ORC3: variants seen among roughly 807,000 people sequenced by gnomAD.
The protein encoded by ORC3 is origin recognition complex subunit 3.
Under a neutral mutation model 100.7 loss-of-function variants are expected in ORC3, and 78 were observed. The observed-to-expected ratio is 0.77, with a 90% CI of 0.65 to 0.94. The LOEUF (loss-of-function observed/expected upper bound fraction) is 0.94. Among genes scored for constraint, ORC3 ranks in the 40% least tolerant of loss-of-function variants. The pLI, the probability that ORC3 is intolerant of heterozygous loss-of-function variation, is 0.00. For synonymous variants in ORC3, 295 were observed against 289.3 expected (o/e 1.02, Z -0.20); for missense variants, 789 against 823.9 (o/e 0.96, Z 0.52).
intron 2 of ORC3, among the ~76,000 whole-genome samples, chr6:87,597,551 T>C (rs969982364): frequency 1.3e-5 from 2 of 152,096 alleles, no homozygotes; most frequent in African/African-American, 4.8e-5. Flanking sequence ...AATTATGATA[T>C]GGAATTAAGC....
In ORC3 at chr6:87,621,407, T is replaced by C; in HGVS notation, c.1041T>C (p.Asn347=). The change falls in exon 10 of 20, where the codon AAT becomes AAC. Residue 347 remains asparagine, a synonymous_variant. Transcript: ENST00000392844. ...AGCCCTTAAGTGTCCTGTGCTGTAA[T>C]CTTCCAGAAGCCAAAAGAAGAATAA... The part of the protein sequence containing the change: ...YSQPLSVLCC[N]LPEAKRRINF... 6.2e-7 allele frequency: 1 copy of C among 1,602,894 alleles called. No individual in the cohort carries two copies. The highest frequency in any genetic ancestry group is 8.5e-7 in the Non-Finnish European group (1 of 1,175,416).
chr6:87,597,923 C>T (rs1364735618), intron 2 of ORC3, among the ~76,000 whole-genome samples: 3 of 152,056 alleles, frequency 2.0e-5, no homozygotes, highest in African/African-American at 7.2e-5. Flanking sequence ...AAGACTTGTT[C>T]CCCCATTATC....
At chr6:87,643,341 T>G (rs1409572018) in intron 13 of ORC3, among the ~76,000 whole-genome samples, 1 of 151,528 alleles carries the variant, frequency 6.6e-6, no homozygotes, top group African/African-American at 2.4e-5. Context: ...TAACAAGCAC[T>G]CTGGCACATT....
intron 11 of ORC3, among the ~76,000 whole-genome samples, chr6:87,622,694 A>G (rs1175373914): frequency 6.6e-6 from 1 of 152,088 alleles, no homozygotes; most frequent in Non-Finnish European, 1.5e-5. Context: ...AGCCAGTGTT[A>G]CTAGTTTCTT....
At chr6:87,631,736 C>T (rs900202188) in intron 11 of ORC3, among the ~76,000 whole-genome samples, 1 of 152,112 alleles carries the variant, frequency 6.6e-6, no homozygotes, top group Non-Finnish European at 1.5e-5. Context: ...AGGTGATCCA[C>T]CCGCCTCGGC....
intron 7 of ORC3, among the ~76,000 whole-genome samples, chr6:87,611,748 C>T (rs981326891): frequency 6.6e-6 from 1 of 151,338 alleles, no homozygotes; most frequent in Non-Finnish European, 1.5e-5. Context: ...CACCACTGCA[C>T]TCCAGTCTGG....
intron 14 of ORC3, among the ~76,000 whole-genome samples, chr6:87,654,198 T>C (rs527616675): frequency 6.6e-6 from 1 of 152,316 alleles, no homozygotes; most frequent in South Asian, 2.1e-4. Context: ...CTTAAAAATC[T>C]TTTGGCTTTA....
chr6:87,603,273 A>G (rs968590298), intron 3 of ORC3, 111 bp from the exon 4 acceptor site: 1 of 563,292 alleles, frequency 1.8e-6, no homozygotes, highest in Non-Finnish European at 2.9e-6. Flanking sequence ...AATTAGGTTC[A>G]TCTTTTGATC....
intron 14 of ORC3, among the ~76,000 whole-genome samples, chr6:87,653,731 G>T (rs535590823): frequency 5.7e-4 from 87 of 152,276 alleles, no homozygotes; most frequent in African/African-American, 1.9e-3. Flanking sequence ...ACCAAAATCT[G>T]CATGAGGCTT....
At chr6:87,659,254 G>T (rs1236510497) in intron 16 of ORC3, among the ~76,000 whole-genome samples, 1 of 151,606 alleles carries the variant, frequency 6.6e-6, no homozygotes, top group Admixed American at 6.6e-5. Context: ...AGTAGAGACG[G>T]GGTTTCACCA....
chr6:87,626,319 C>T (rs1779896388), intron 11 of ORC3, among the ~76,000 whole-genome samples: 1 of 152,174 alleles, frequency 6.6e-6, no homozygotes. Context: ...TATCCATGAG[C>T]ATGGAATGTT....
rs377196272 is a variant in ORC3, at chr6:87,611,619, T to C, written c.714-470T>C. Among the ~76,000 whole-genome samples, 68 of 152,142 alleles carry C rather than the reference T, an allele frequency of 4.5e-4. 1 individual carries two copies. Among genetic ancestry groups the C allele is most frequent in the African/African-American group, 1.6e-3 (67 of 41,524 alleles). ...CTGACCAATATGGTGAAACCCCATC[T>C]CCACTAAAATTAAAAAATTAGGCAT... On this transcript the variant is annotated intron_variant, in intron 7 of 19. Transcript: ENST00000392844.
intron 1 of ORC3, among the ~76,000 whole-genome samples, chr6:87,590,833 G>GAA (rs1389822722): frequency 1.3e-5 from 2 of 152,172 alleles, no homozygotes; most frequent in Non-Finnish European, 2.9e-5. Flanking sequence ...ATCATAATCA[G>GAA]AAAGTAGACA....
the ORC3 span, among the ~76,000 whole-genome samples, chr6:87,676,136 A>T: frequency 6.7e-6 from 1 of 149,612 alleles, no homozygotes; most frequent in Non-Finnish European, 1.5e-5. Flanking sequence ...ACATGACCTG[A>T]CATAAAGGCT....
At chr6:87,670,229 G>A (rs749915582), downstream of ORC3, among the ~76,000 whole-genome samples, 5 of 152,062 alleles carry the variant, frequency 3.3e-5, no homozygotes, top group South Asian at 2.1e-4. Context: ...GCAGTGACAC[G>A]ATTTGGGCTC....
Position 87,621,501 on chromosome 6 carries a change from T to C in ORC3, c.1121+14T>C, listed in dbSNP as rs762852317. On this transcript the variant is annotated intron_variant, in intron 10 of 19. Coordinates refer to ENST00000392844, the MANE Select transcript of ORC3 (RefSeq NM_012381.4). ...ATCTTTTAGGAGGTAAAAAGAGAAG[T>C]ACATGTTTAACACATACTATACTAG... 1 of 1,562,126 alleles carries C rather than the reference T, an allele frequency of 6.4e-7. No homozygotes were observed. Among genetic ancestry groups the C allele is most frequent in the Non-Finnish European group, 8.7e-7 (1 of 1,155,772 alleles).
chr6:87,605,507 C>T (rs1051033648), intron 4 of ORC3, among the ~76,000 whole-genome samples: 10 of 151,980 alleles, frequency 6.6e-5, no homozygotes, highest in East Asian at 1.9e-4. Context: ...AAAAATTAGC[C>T]GGTGTGGTGG....
downstream of ORC3, among the ~76,000 whole-genome samples, chr6:87,667,927 CAAA>C (rs60673088): frequency 6.8e-6 from 1 of 148,078 alleles, no homozygotes; most frequent in Admixed American, 6.7e-5. Flanking sequence ...GACTCCGTGT[CAAA>C]AAAAAAAGTC....
intron 2 of ORC3, 93 bp from the exon 3 acceptor site, chr6:87,601,691 C>A: frequency 1.4e-6 from 1 of 711,964 alleles, no homozygotes; most frequent in Non-Finnish European, 2.4e-6. Context: ...AAAAATTTCA[C>A]TTCTGTCACT....
Sources: allele counts gnomAD v4.1 joint callset (sites outside exome capture counted in the v4.1 genomes callset), GRCh38; gene constraint gnomAD v4.1.1; transcripts MANE v1.5; gene names NCBI Gene and HGNC (gene_info 2026-07-23, HGNC 2026-07-21).